IMMP2L: variants seen among roughly 807,000 people sequenced by gnomAD.
The protein encoded by IMMP2L is inner mitochondrial membrane peptidase subunit 2.
In IMMP2L, 18 loss-of-function variants were observed where a neutral mutation model predicts 19.3. The observed-to-expected ratio is 0.93, with a 90% confidence interval of 0.64 to 1.38. The LOEUF (loss-of-function observed/expected upper bound fraction) is 1.38, where lower values mean the gene tolerates loss of function less well. Among genes scored for constraint, IMMP2L ranks in the 40% most tolerant of loss-of-function variants. IMMP2L has a pLI of 0.00. For synonymous variants in IMMP2L, 76 were observed against 73.0 expected, an observed-to-expected ratio of 1.04 and a Z score of -0.21; for missense variants, 233 against 218.2, an observed-to-expected ratio of 1.07 and a Z score of -0.43.
chr7:111,402,812 C>T (rs544427758), intron 3 of IMMP2L, among the ~76,000 whole-genome samples: 1 of 151,658 alleles, frequency 6.6e-6, no homozygotes, highest in African/African-American at 2.4e-5. Context: ...AAACTATTTC[C>T]TAATACCTTC....
chr7:111,379,330 A>C (rs1830981931), intron 3 of IMMP2L, among the ~76,000 whole-genome samples: 1 of 151,810 alleles, frequency 6.6e-6, no homozygotes, highest in African/African-American at 2.4e-5. Context: ...ATTCCAGTCA[A>C]GGAACGTACC....
intron 3 of IMMP2L, among the ~76,000 whole-genome samples, chr7:111,239,718 C>G (rs138174272): frequency 6.6e-6 from 1 of 151,812 alleles, no homozygotes; most frequent in Non-Finnish European, 1.5e-5. Flanking sequence ...CAACTCTGAT[C>G]AATTTGGCAA....
chr7:110,837,518 A>C (rs1287483935), intron 5 of IMMP2L, among the ~76,000 whole-genome samples: 1 of 152,160 alleles, frequency 6.6e-6, no homozygotes, highest in Non-Finnish European at 1.5e-5. Context: ...TGCTACACAA[A>C]GACATGAGGC....
At position 111,301,921 on chromosome 7, in the gene IMMP2L, TAAAA is replaced by T. The variant is rs59156229; in HGVS notation, c.239+185313_239+185316del. On this transcript the variant is annotated intron_variant, in intron 3 of 5. Transcript: ENST00000405709. Reference sequence around the variant, plus strand: ...ATTACGCCATGTCAGTTTCATGCTTTAAAAAAAAAAAAAAAAAAAAAAAAAAAAA... The same window carrying T: ...ATTACGCCATGTCAGTTTCATGCTTTAAAAAAAAAAAAAAAAAAAAAAAAA... 7.1e-3 allele frequency among the ~76,000 whole-genome samples: 594 copies of T among 83,140 alleles called. 2 individuals are homozygous for T. Among genetic ancestry groups the T allele is most frequent in the African/African-American group, 0.02 (418 of 20,854 alleles). The allele number at this position is 83,140 out of a possible 152,430, so 54.5% of individuals were successfully genotyped here.
chr7:110,946,896 A>G lies in IMMP2L; in HGVS notation c.305+16604T>C, dbSNP rs1817309967. Among the ~76,000 whole-genome samples the G allele has an allele frequency of 2.6e-5, 4 of 151,454 alleles. No homozygotes were observed. The South Asian group carries it at 8.4e-4, about 32-fold the overall frequency. ...CCACCACACCCGGCTAATTTTTTGTATTTTTAGTAGAGATGGAGTTTCACC... is the reference window on the plus strand; with the variant it reads ...CCACCACACCCGGCTAATTTTTTGTGTTTTTAGTAGAGATGGAGTTTCACC... On this transcript the variant is annotated intron_variant, in intron 4 of 5. Coordinates refer to ENST00000405709, the MANE Select transcript of IMMP2L (RefSeq NM_032549.4).
intron 3 of IMMP2L, among the ~76,000 whole-genome samples, chr7:111,071,533 A>G: frequency 6.6e-6 from 1 of 152,336 alleles, no homozygotes; most frequent in Middle Eastern, 3.4e-3. Context: ...TGTTATATAT[A>G]CATAATACAA....
intron 3 of IMMP2L, among the ~76,000 whole-genome samples, chr7:111,003,238 A>T (rs1823909741): frequency 6.6e-6 from 1 of 152,144 alleles, no homozygotes; most frequent in African/African-American, 2.4e-5. Context: ...TTAAGTGGAG[A>T]TAATATTTAC....
chr7:110,785,785 C>T (rs983228251), intron 5 of IMMP2L, among the ~76,000 whole-genome samples: 2 of 151,842 alleles, frequency 1.3e-5, no homozygotes, highest in African/African-American at 4.8e-5. Flanking sequence ...AAGTAAAAAC[C>T]TTTAATAATG....
intron 5 of IMMP2L, among the ~76,000 whole-genome samples, chr7:110,744,237 G>A (rs377757077): frequency 6.6e-6 from 1 of 152,202 alleles, no homozygotes; most frequent in East Asian, 1.9e-4. Context: ...AAAAAAGGCA[G>A]CAGCCCCAGT....
intron 3 of IMMP2L, among the ~76,000 whole-genome samples, chr7:111,158,661 T>A (rs939430904): frequency 6.6e-6 from 1 of 152,214 alleles, no homozygotes; most frequent in African/African-American, 2.4e-5. Flanking sequence ...TAAGAAGTTA[T>A]ATTGCATATA....
At chr7:111,231,696 T>G (rs1005870491) in intron 3 of IMMP2L, among the ~76,000 whole-genome samples, 8 of 152,016 alleles carry the variant, frequency 5.3e-5, no homozygotes, top group Non-Finnish European at 7.4e-5. Flanking sequence ...AAATATTTTT[T>G]GACTGAAAGT....
intron 1 of IMMP2L, among the ~76,000 whole-genome samples, chr7:111,536,236 A>T (rs1350981949): frequency 6.6e-6 from 1 of 152,182 alleles, no homozygotes; most frequent in Non-Finnish European, 1.5e-5. Flanking sequence ...TTTAAGTAAT[A>T]CCATGAAAAT....
At chr7:111,190,772 T>C (rs1165086111) in intron 3 of IMMP2L, among the ~76,000 whole-genome samples, 1 of 152,130 alleles carries the variant, frequency 6.6e-6, no homozygotes, top group Non-Finnish European at 1.5e-5. Flanking sequence ...TCAATATGTA[T>C]GTACGAAGGT....
At chr7:110,817,748 C>T (rs1056440068) in intron 5 of IMMP2L, among the ~76,000 whole-genome samples, 1 of 152,104 alleles carries the variant, frequency 6.6e-6, no homozygotes, top group African/African-American at 2.4e-5. Context: ...CAGCATGGTA[C>T]TGGTACCAAA....
intron 3 of IMMP2L, among the ~76,000 whole-genome samples, chr7:110,965,212 TTAA>T (rs1292648004): frequency 4.6e-5 from 7 of 152,030 alleles, no homozygotes; most frequent in Non-Finnish European, 8.8e-5. Flanking sequence ...AAATGATCAT[TTAA>T]TATGTATTTC....
chr7:111,026,471 T>A (rs1826832874), intron 3 of IMMP2L, among the ~76,000 whole-genome samples: 1 of 152,220 alleles, frequency 6.6e-6, no homozygotes, highest in South Asian at 2.1e-4. Flanking sequence ...TATGAGTGTA[T>A]AACAGAGAGG....
At chr7:111,086,079 T>C (rs764035585) in intron 3 of IMMP2L, among the ~76,000 whole-genome samples, 13 of 152,024 alleles carry the variant, frequency 8.6e-5, no homozygotes, top group Non-Finnish European at 1.8e-4. Flanking sequence ...GCCCCATGTT[T>C]ACCTTTGTAA....
intron 3 of IMMP2L, among the ~76,000 whole-genome samples, chr7:111,384,257 AGGAGAAAG>A (rs1831507966): frequency 7.0e-6 from 1 of 141,884 alleles, no homozygotes; most frequent in African/African-American, 2.9e-5. Flanking sequence ...GAGAGGAGAA[AGGAGAAAG>A]GAGAGAGGAG....
chr7:110,876,241 C>T (rs1386195755), intron 5 of IMMP2L, among the ~76,000 whole-genome samples: 1 of 152,198 alleles, frequency 6.6e-6, no homozygotes, highest in East Asian at 1.9e-4. Flanking sequence ...TTCTTTTAGC[C>T]TCTACATTCT....
Sources: gnomAD v4.1 joint callset for allele counts (sites outside exome capture counted in the v4.1 genomes callset) on GRCh38, gnomAD v4.1.1 for gene constraint, MANE v1.5 for transcripts, NCBI Gene and HGNC (gene_info 2026-07-23, HGNC 2026-07-21) for gene names.